UTY: variants seen among roughly 807,000 people sequenced by gnomAD.
UTY encodes the protein ubiquitously transcribed tetratricopeptide repeat containing, Y-linked.
UTY carries 12 observed loss-of-function variants against 32.5 expected under a neutral mutation model. The ratio of observed to expected loss-of-function variants is 0.37; its 90% CI spans 0.24 to 0.60. UTY has a LOEUF of 0.60. Among genes scored for constraint, UTY ranks in the 20% least tolerant of loss-of-function variants. The pLI, the probability that UTY is intolerant of heterozygous loss-of-function variation, is 0.69. For missense variants in UTY, 303 were observed against 299.2 expected, an observed-to-expected ratio of 1.01 and a Z score of -0.09; for synonymous variants, 131 against 103.4, an observed-to-expected ratio of 1.27 and a Z score of -1.62.
intron 21 of UTY, among the ~76,000 whole-genome samples, chrY:13,322,153 A>G: frequency 2.9e-5 from 1 of 33,932 alleles, no homozygotes; most frequent in African/African-American, 1.1e-4. Flanking sequence ...ACAAATTATA[A>G]ATTTGAAACT....
chrY:13,373,761 T>C, intron 8 of UTY, among the ~76,000 whole-genome samples: 1 of 32,732 alleles, frequency 3.1e-5, no homozygotes. Context: ...TATGAAAAGG[T>C]TTATACATAA....
chrY:13,392,105 C>A, intron 8 of UTY, among the ~76,000 whole-genome samples: 2 of 33,478 alleles, frequency 6.0e-5, no homozygotes, highest in Non-Finnish European at 1.5e-4. Context: ...TTCAAGGCTG[C>A]AGTAAACTAA....
Position 13,360,509 on chromosome Y carries a change from T to C in UTY, c.886A>G (p.Lys296Glu). The C allele has an allele frequency of 2.5e-6, 1 of 394,282 alleles. No individual in the cohort carries two copies. Among genetic ancestry groups the C allele is most frequent in the East Asian group, 9.2e-5 (1 of 10,811 alleles). The change falls in exon 11 of 30, where the codon AAA becomes GAA. Residue 296 changes from lysine (K) to glutamate (E), a missense_variant. Transcript: ENST00000545955. The part of the protein sequence containing the change: ...FLGRCYSSIG[K>E]VQDAFISYRQ... ...TAAGATATAAAGGCATCCTGAACTTTCCCAATACTTGAATAACACCTAAAA... is the reference window on the plus strand; with the variant it reads ...TAAGATATAAAGGCATCCTGAACTTCCCCAATACTTGAATAACACCTAAAA...
At chrY:13,441,930 T>C (rs1435302593) in intron 4 of UTY, among the ~76,000 whole-genome samples, 1 of 33,490 alleles carries the variant, frequency 3.0e-5, no homozygotes, top group Admixed American at 2.7e-4. Flanking sequence ...GTAAAAGATA[T>C]AGAAATAGGG....
At chrY:13,407,809 C>T (rs2070272209) in intron 6 of UTY, among the ~76,000 whole-genome samples, 1 of 32,740 alleles carries the variant, frequency 3.1e-5, no homozygotes, top group Non-Finnish European at 7.6e-5. Flanking sequence ...GGAATGTATG[C>T]CATGTATAAA....
chrY:13,334,461 G>C, intron 18 of UTY, among the ~76,000 whole-genome samples: 1 of 33,624 alleles, frequency 3.0e-5, no homozygotes, highest in Non-Finnish European at 7.3e-5. Context: ...GTGGACAAAA[G>C]GTATGAACAC....
intron 21 of UTY, among the ~76,000 whole-genome samples, chrY:13,307,572 T>G: frequency 1.2e-4 from 4 of 33,092 alleles, no homozygotes; most frequent in Non-Finnish European, 3.0e-4. Context: ...ATGCAAATAA[T>G]TAAACTCTAT....
At chrY:13,290,560 TA>T (rs2057704575) in intron 27 of UTY, among the ~76,000 whole-genome samples, 12 of 33,639 alleles carry the variant, frequency 3.6e-4, no homozygotes, top group Admixed American at 3.2e-3. Flanking sequence ...GCTTCACTGT[TA>T]AAGTTTTTTG....
intron 27 of UTY, among the ~76,000 whole-genome samples, chrY:13,261,308 T>A (rs2055244683): frequency 1.2e-4 from 4 of 33,307 alleles, no homozygotes; most frequent in Admixed American, 2.8e-4. Context: ...GGACTTGAAA[T>A]TATCAGTATA....
chrY:13,428,973 T>C, intron 4 of UTY, among the ~76,000 whole-genome samples: 1 of 33,952 alleles, frequency 2.9e-5, no homozygotes, highest in Non-Finnish European at 7.3e-5. Flanking sequence ...GATCCTTGGC[T>C]AGATCACTAC....
intron 21 of UTY, among the ~76,000 whole-genome samples, chrY:13,317,422 G>A (rs530836024): frequency 6.4e-3 from 219 of 34,079 alleles, no homozygotes; most frequent in Non-Finnish European, 0.015. Flanking sequence ...TCCACAGGTA[G>A]TAGGGCTTAC....
At chrY:13,390,949 A>G (rs2067502147) in intron 8 of UTY, among the ~76,000 whole-genome samples, 1 of 33,743 alleles carries the variant, frequency 3.0e-5, no homozygotes. Flanking sequence ...CTCACACAAT[A>G]CTACATTTTA....
intron 8 of UTY, among the ~76,000 whole-genome samples, chrY:13,388,516 C>T: frequency 3.0e-5 from 1 of 33,664 alleles, no homozygotes; most frequent in Non-Finnish European, 7.4e-5. Flanking sequence ...TGGATATATA[C>T]GAAGTGAATG....
rs778607010 is a variant in UTY at position 13,303,011 on chromosome Y, G to A, written c.3566-20C>T. 1.4e-5 allele frequency: 4 copies of A among 283,536 alleles called. No individual in the cohort carries two copies. The highest frequency in any genetic ancestry group is 1.1e-5 in the Non-Finnish European group (2 of 183,877). The allele number at this position is 283,536 out of a possible 400,897, so 70.7% of individuals were successfully genotyped here. A position where few individuals can be genotyped will look rare whatever the true frequency, so the allele number is the denominator to read the frequency against. On this transcript the variant is annotated intron_variant, in intron 24 of 29. Coordinates refer to ENST00000545955, the MANE Select transcript of UTY (RefSeq NM_001258249.2). ...GGTGACCTGAAAAGTAAAAGAAAAT[G>A]TAAGTCACAATTGTAGCATAAATTA...
At chrY:13,285,848 T>C (rs2057331766) in intron 27 of UTY, among the ~76,000 whole-genome samples, 1 of 34,246 alleles carries the variant, frequency 2.9e-5, no homozygotes, top group Non-Finnish European at 7.3e-5. Context: ...AGGACACCAT[T>C]AGCTAATGAA....
At chrY:13,265,127 T>A (rs2055664981) in intron 27 of UTY, among the ~76,000 whole-genome samples, 1 of 33,926 alleles carries the variant, frequency 2.9e-5, no homozygotes, top group South Asian at 6.5e-4. Flanking sequence ...AGTACCATGC[T>A]GTTTTGGTTA....
At chrY:13,338,523 G>GA (rs2061284841) in intron 17 of UTY, among the ~76,000 whole-genome samples, 22 of 20,959 alleles carry the variant, frequency 1.0e-3, no homozygotes, top group Non-Finnish European at 1.9e-3. Context: ...TTCAAAAATG[G>GA]AAAAAAAAAA....
chrY:13,284,342 G>T (rs2057219013), intron 27 of UTY, among the ~76,000 whole-genome samples: 1 of 33,611 alleles, frequency 3.0e-5, no homozygotes, highest in Non-Finnish European at 7.4e-5. Context: ...GAAAGTTTAA[G>T]CAAGTTTTAA....
chrY:13,335,421 A>AAAAAAATTGTTGT (rs2060992611), intron 18 of UTY, 142 bp downstream of exon 18: 1 of 190,032 alleles, frequency 5.3e-6, no homozygotes, highest in East Asian at 1.1e-4. Flanking sequence ...TAAAACAACA[A>AAAAAAATTGTTGT]AAAAAATTGT....
Sources: allele counts gnomAD v4.1 joint callset (sites outside exome capture counted in the v4.1 genomes callset), GRCh38; gene constraint gnomAD v4.1.1; transcripts MANE v1.5; gene names NCBI Gene and HGNC (gene_info 2026-07-23, HGNC 2026-07-21).